Variants in RIMS2 observed in about 807,000 individuals in gnomAD.
The protein encoded by RIMS2 is regulating synaptic membrane exocytosis 2.
Under a neutral mutation model 174.4 loss-of-function variants are expected in RIMS2, and 59 were observed. The observed-to-expected ratio is 0.34, with a 90% CI of 0.27 to 0.42. The LOEUF (loss-of-function observed/expected upper bound fraction) is 0.42. Among genes scored for constraint, RIMS2 ranks in the 10% least tolerant of loss-of-function variants. RIMS2 has a pLI of 1.00. For synonymous variants in RIMS2, 606 were observed against 572.5 expected (o/e 1.06, Z -0.84); for missense variants, 1,620 against 1,666.3 (o/e 0.97, Z 0.48).
At chr8:103,589,113 A>G (rs929898348) in intron 1 of RIMS2, among the ~76,000 whole-genome samples, 1 of 151,736 alleles carries the variant, frequency 6.6e-6, no homozygotes, top group African/African-American at 2.4e-5. Flanking sequence ...ATGGCAAATT[A>G]TCCTTGTTTG....
intron 1 of RIMS2, among the ~76,000 whole-genome samples, chr8:103,635,804 A>C (rs1485244826): frequency 2.0e-5 from 3 of 152,126 alleles, no homozygotes; most frequent in Non-Finnish European, 4.4e-5. Flanking sequence ...CTGAAGCCTA[A>C]AGGCTGGAAT....
chr8:103,501,384 C>G (rs1819762818), intron 1 of RIMS2: 1 of 167,968 alleles, frequency 6.0e-6, no homozygotes, highest in Non-Finnish European at 1.3e-5. Context: ...GGGCTGAACC[C>G]AGGCTCTGTG....
At chr8:104,095,237 A>G (rs1370378895) in intron 19 of RIMS2, among the ~76,000 whole-genome samples, 1 of 152,202 alleles carries the variant, frequency 6.6e-6, no homozygotes, top group Non-Finnish European at 1.5e-5. Flanking sequence ...AGCAAATAGT[A>G]GACTTTATTC....
At chr8:103,629,792 A>T (rs1462133655) in intron 1 of RIMS2, among the ~76,000 whole-genome samples, 1 of 152,132 alleles carries the variant, frequency 6.6e-6, no homozygotes, top group African/African-American at 2.4e-5. Context: ...CAATAGCAGG[A>T]CAAGATGAAA....
intron 1 of RIMS2, among the ~76,000 whole-genome samples, chr8:103,613,879 C>G (rs1049778828): frequency 6.6e-6 from 1 of 152,188 alleles, no homozygotes; most frequent in African/African-American, 2.4e-5. Flanking sequence ...CTTTTCAGTG[C>G]CCTGTCCTGC....
intron 19 of RIMS2, among the ~76,000 whole-genome samples, chr8:104,037,626 G>C (rs998315268): frequency 2.0e-5 from 3 of 152,072 alleles, no homozygotes; most frequent in African/African-American, 7.2e-5. Context: ...ATTTCTGTTT[G>C]AACTTGAGAC....
intron 20 of RIMS2, among the ~76,000 whole-genome samples, chr8:104,245,605 T>A (rs963448806): frequency 6.6e-6 from 1 of 152,234 alleles, no homozygotes; most frequent in African/African-American, 2.4e-5. Flanking sequence ...GTCTCAGATA[T>A]TTTTAAAGCA....
chr8:104,232,136 A>G (rs1327951440), intron 19 of RIMS2, among the ~76,000 whole-genome samples: 1 of 152,248 alleles, frequency 6.6e-6, no homozygotes, highest in Non-Finnish European at 1.5e-5. Flanking sequence ...TATCTCCCAC[A>G]GTACCTTACA....
intron 1 of RIMS2, among the ~76,000 whole-genome samples, chr8:103,643,875 T>C (rs370607104): frequency 5.9e-5 from 9 of 152,086 alleles, no homozygotes; most frequent in Admixed American, 2.0e-4. Context: ...TTCCATTTTC[T>C]ACATTGAAGG....
chr8:104,161,100 G>C (rs2098757861), intron 19 of RIMS2, among the ~76,000 whole-genome samples: 1 of 152,010 alleles, frequency 6.6e-6, no homozygotes, highest in African/African-American at 2.4e-5. Context: ...TTAAAACTTT[G>C]TCTAACATAT....
intron 19 of RIMS2, among the ~76,000 whole-genome samples, chr8:104,215,304 A>G (rs965480126): frequency 3.3e-5 from 5 of 152,236 alleles, no homozygotes; most frequent in African/African-American, 9.6e-5. Context: ...AAGCTTGGCT[A>G]GTAATGAAAA....
intron 9 of RIMS2, among the ~76,000 whole-genome samples, chr8:103,919,152 G>A (rs2077138312): frequency 6.6e-6 from 1 of 152,128 alleles, no homozygotes; most frequent in Non-Finnish European, 1.5e-5. Flanking sequence ...AAGGGATATT[G>A]GGAGAGAGGA....
intron 3 of RIMS2, among the ~76,000 whole-genome samples, chr8:103,774,018 T>C (rs1264032219): frequency 2.0e-5 from 3 of 152,120 alleles, no homozygotes; most frequent in African/African-American, 7.2e-5. Flanking sequence ...GGCACATGCC[T>C]GTAATCCCAG....
chr8:104,123,960 A>G (rs565763452), intron 19 of RIMS2, among the ~76,000 whole-genome samples: 1 of 152,286 alleles, frequency 6.6e-6, no homozygotes, highest in African/African-American at 2.4e-5. Context: ...GCAAAGCTCA[A>G]TAAAATAAAG....
intron 1 of RIMS2, among the ~76,000 whole-genome samples, chr8:103,519,848 C>G (rs1830787391): frequency 6.7e-6 from 1 of 150,340 alleles, no homozygotes; most frequent in South Asian, 2.1e-4. Flanking sequence ...AAATTTTCCT[C>G]TTAGAAACCC....
chr8:104,018,763 C>A (rs987071831), intron 19 of RIMS2, among the ~76,000 whole-genome samples: 1 of 152,048 alleles, frequency 6.6e-6, no homozygotes, highest in African/African-American at 2.4e-5. Flanking sequence ...TCCATTAAAA[C>A]ATTTATAGAC....
intron 19 of RIMS2, among the ~76,000 whole-genome samples, chr8:104,065,735 G>T (rs768013405): frequency 6.6e-6 from 1 of 152,100 alleles, no homozygotes; most frequent in South Asian, 2.1e-4. Context: ...TGAAATAGTC[G>T]TTTGAGATTT....
At chr8:103,702,631 T>C (rs1288343353) in intron 2 of RIMS2, among the ~76,000 whole-genome samples, 2 of 152,170 alleles carry the variant, frequency 1.3e-5, no homozygotes, top group African/African-American at 4.8e-5. Context: ...TAATGGATAT[T>C]TAATTTTCTC....
chr8:103,891,140 T>C (rs1248006520), intron 4 of RIMS2, among the ~76,000 whole-genome samples: 3 of 152,070 alleles, frequency 2.0e-5, no homozygotes, highest in African/African-American at 4.8e-5. Context: ...CAGAACCAAT[T>C]GAGAGGATCA....
Sources: gnomAD v4.1 joint callset for allele counts (sites outside exome capture counted in the v4.1 genomes callset) on GRCh38, gnomAD v4.1.1 for gene constraint, MANE v1.5 for transcripts, NCBI Gene and HGNC (gene_info 2026-07-23, HGNC 2026-07-21) for gene names.